SNX29: variants seen among roughly 807,000 people sequenced by gnomAD.
SNX29 encodes sorting nexin 29.
Under a neutral mutation model 102.1 loss-of-function variants are expected in SNX29, and 78 were observed. That is an observed-to-expected ratio of 0.76 (90% confidence interval 0.64 to 0.92). The LOEUF (loss-of-function observed/expected upper bound fraction) is 0.92, where lower values mean the gene tolerates loss of function less well. SNX29 is among the 40% of genes least tolerant of loss of function. SNX29 has a pLI of 0.00. For synonymous variants in SNX29, 580 were observed against 414.5 expected (o/e 1.40, Z -4.85); for missense variants, 1,280 against 1,061.7 (o/e 1.21, Z -2.86).
intron 20 of SNX29, among the ~76,000 whole-genome samples, chr16:12,545,094 C>T (rs755205125): frequency 6.6e-5 from 10 of 152,066 alleles, no homozygotes; most frequent in East Asian, 1.9e-4. Context: ...GCCATCAGAC[C>T]CAGGCTGCAG....
At chr16:12,170,031 G>A (rs570277493) in intron 13 of SNX29, among the ~76,000 whole-genome samples, 1 of 152,254 alleles carries the variant, frequency 6.6e-6, no homozygotes, top group Admixed American at 6.5e-5. Flanking sequence ...TGCTCTCCGT[G>A]CCGACACTTG....
At chr16:12,565,523 C>CA (rs1249144229) in intron 20 of SNX29, among the ~76,000 whole-genome samples, 1 of 152,236 alleles carries the variant, frequency 6.6e-6, no homozygotes, top group African/African-American at 2.4e-5. Flanking sequence ...GGCTCTGCTC[C>CA]ACATGGCCTC....
intron 16 of SNX29, among the ~76,000 whole-genome samples, chr16:12,384,162 A>G (rs901336661): frequency 5.3e-5 from 8 of 152,216 alleles, no homozygotes; most frequent in Non-Finnish European, 1.2e-4. Flanking sequence ...GGTTGTTGCA[A>G]ATAGCACTGC....
intron 20 of SNX29, among the ~76,000 whole-genome samples, chr16:12,537,217 C>G (rs773157630): frequency 6.6e-6 from 1 of 152,178 alleles, no homozygotes; most frequent in Non-Finnish European, 1.5e-5. Flanking sequence ...GCTTAGAGAC[C>G]AGACTGCAAG....
chr16:12,463,672 T>A (rs2086913519), intron 18 of SNX29, among the ~76,000 whole-genome samples: 1 of 152,200 alleles, frequency 6.6e-6, no homozygotes, highest in African/African-American at 2.4e-5. Context: ...GCAACCTCTA[T>A]TATTAAAAAT....
chr16:12,567,007 G>A (rs1456225451), intron 20 of SNX29, among the ~76,000 whole-genome samples: 2 of 152,244 alleles, frequency 1.3e-5, no homozygotes, highest in Non-Finnish European at 2.9e-5. Context: ...GCAACGCAAA[G>A]TAGATCATTG....
intron 3 of SNX29, among the ~76,000 whole-genome samples, chr16:12,013,542 T>TAGAGAGAGAGAGAGAGAGAGAGAGAG (rs1382498593): frequency 1.8e-5 from 2 of 109,076 alleles, no homozygotes; most frequent in African/African-American, 7.0e-5. Flanking sequence ...TATATATATA[T>TAGAGAGAGAGAGAGAGAGAGAGAGAG]CGAGAGAGGA....
chr16:12,150,402 G>C (rs2055248308), intron 13 of SNX29, among the ~76,000 whole-genome samples: 1 of 152,202 alleles, frequency 6.6e-6, no homozygotes, highest in Admixed American at 6.5e-5. Flanking sequence ...CAGGGGTTAA[G>C]GATGGATAAA....
chr16:12,102,405 A>C (rs985110561), intron 11 of SNX29, among the ~76,000 whole-genome samples: 1 of 152,060 alleles, frequency 6.6e-6, no homozygotes, highest in African/African-American at 2.4e-5. Context: ...CATTTCTATT[A>C]CTCCACATCC....
At chr16:12,446,210 C>T (rs530451411) in intron 18 of SNX29, among the ~76,000 whole-genome samples, 76 of 152,224 alleles carry the variant, frequency 5.0e-4, no homozygotes, top group African/African-American at 1.7e-3. Context: ...CGTGCACCAC[C>T]ATGCCCGGCT....
At chr16:12,187,669 C>T (rs1471209443) in intron 13 of SNX29, among the ~76,000 whole-genome samples, 1 of 151,550 alleles carries the variant, frequency 6.6e-6, no homozygotes, top group African/African-American at 2.4e-5. Flanking sequence ...CTTGCCTGTT[C>T]TCCCCCCAAC....
In SNX29 at chr16:12,010,901, A is replaced by G. The variant is rs144132070; in HGVS notation, c.122+7858A>G. Among the ~76,000 whole-genome samples the G allele has an allele frequency of 1.2e-3, 177 of 152,296 alleles. 1 individual carries two copies. The highest frequency in any genetic ancestry group is 4.2e-3 in the African/African-American group (174 of 41,560). On this transcript the variant is annotated intron_variant, in intron 3 of 20. Transcript: ENST00000566228. Reference sequence around the variant, plus strand: ...GTGTATCCCCCAGAGGACTTACGAAACGGAATGGCTTTTTCAGGCTTTTTT... The same window carrying G: ...GTGTATCCCCCAGAGGACTTACGAAGCGGAATGGCTTTTTCAGGCTTTTTT...
chr16:12,086,223 C>T (rs2052175243), intron 11 of SNX29, among the ~76,000 whole-genome samples: 1 of 152,018 alleles, frequency 6.6e-6, no homozygotes, highest in South Asian at 2.1e-4. Flanking sequence ...CCAGGATGGT[C>T]TCAATCTCCT....
chr16:12,391,749 C>G (rs903011195), intron 16 of SNX29, among the ~76,000 whole-genome samples: 1 of 152,282 alleles, frequency 6.6e-6, no homozygotes, highest in Non-Finnish European at 1.5e-5. Flanking sequence ...TAGAACTTTA[C>G]CATCGCCCCA....
intron 17 of SNX29, among the ~76,000 whole-genome samples, chr16:12,401,922 A>T (rs899284684): frequency 3.3e-5 from 5 of 152,050 alleles, no homozygotes; most frequent in African/African-American, 1.2e-4. Context: ...GAACCATTTA[A>T]CCCAGGCTGG....
At chr16:12,548,160 G>A (rs1439496234) in intron 20 of SNX29, among the ~76,000 whole-genome samples, 2 of 152,172 alleles carry the variant, frequency 1.3e-5, no homozygotes, top group African/African-American at 4.8e-5. Context: ...CTTCATCTTG[G>A]CCACACACAT....
intron 14 of SNX29, among the ~76,000 whole-genome samples, chr16:12,237,528 T>C (rs2077973765): frequency 6.6e-6 from 1 of 152,138 alleles, no homozygotes; most frequent in Non-Finnish European, 1.5e-5. Context: ...CCCAGCACTT[T>C]GGGAGGCTGA....
chr16:12,191,092 T>A (rs2141900754), intron 13 of SNX29, among the ~76,000 whole-genome samples: 1 of 152,296 alleles, frequency 6.6e-6, no homozygotes, highest in South Asian at 2.1e-4. Context: ...ATAAAACCGT[T>A]CCATCTCAGA....
chr16:12,055,881 G>T (rs184899251), intron 8 of SNX29, among the ~76,000 whole-genome samples: 7 of 152,198 alleles, frequency 4.6e-5, no homozygotes, highest in Admixed American at 2.0e-4. Context: ...CCTCACAAGT[G>T]CCTTTATTCT....
Sources: allele counts gnomAD v4.1 joint callset (sites outside exome capture counted in the v4.1 genomes callset), GRCh38; gene constraint gnomAD v4.1.1; transcripts MANE v1.5; gene names NCBI Gene and HGNC (gene_info 2026-07-23, HGNC 2026-07-21).